FGD4: variants seen among roughly 807,000 people sequenced by gnomAD.
The protein encoded by FGD4 is FYVE, RhoGEF and PH domain containing 4, also known as FYVE, RhoGEF and PH domain-containing protein 4.
A neutral mutation model predicts 102.0 loss-of-function variants in FGD4; 42 were observed. The observed-to-expected ratio is 0.41, with a 90% CI of 0.32 to 0.53. The LOEUF (loss-of-function observed/expected upper bound fraction) is 0.53. Ranked by LOEUF, FGD4 falls within the 20% of genes least tolerant of loss-of-function variation. The probability of loss-of-function intolerance (pLI) is 0.21; values close to 1 mark genes in which losing one functional copy is unlikely to be tolerated. For missense variants in FGD4, 902 were observed against 1,078.2 expected, an observed-to-expected ratio of 0.84 and a Z score of 2.29; for synonymous variants, 380 against 375.7, an observed-to-expected ratio of 1.01 and a Z score of -0.13.
At chr12:32,547,912 G>C (rs920954186) in intron 1 of FGD4, among the ~76,000 whole-genome samples, 9 of 152,092 alleles carry the variant, frequency 5.9e-5, no homozygotes, top group African/African-American at 2.2e-4. Flanking sequence ...TACCATGTTG[G>C]CCAGACTGGT....
At chr12:32,453,168 T>C (rs1942829254) in intron 1 of FGD4, among the ~76,000 whole-genome samples, 1 of 141,666 alleles carries the variant, frequency 7.1e-6, no homozygotes, top group African/African-American at 2.5e-5. Context: ...TGTGTATATA[T>C]ATCTATATTA....
intron 1 of FGD4, among the ~76,000 whole-genome samples, chr12:32,530,833 T>C (rs774323279): frequency 7.2e-5 from 11 of 151,924 alleles, no homozygotes; most frequent in Non-Finnish European, 1.6e-4. Context: ...TCACAGAAAA[T>C]GGATTAGTGA....
intron 1 of FGD4, among the ~76,000 whole-genome samples, chr12:32,504,247 T>C (rs913135975): frequency 3.9e-5 from 6 of 152,128 alleles, no homozygotes; most frequent in African/African-American, 1.2e-4. Context: ...TAGTGGTTCT[T>C]GAGGGTAACC....
At chr12:32,623,067 A>T (rs1949942569) in intron 11 of FGD4, among the ~76,000 whole-genome samples, 1 of 152,230 alleles carries the variant, frequency 6.6e-6, no homozygotes, top group African/African-American at 2.4e-5. Flanking sequence ...CTAAAGTATG[A>T]GTCAGCCTCA....
intron 1 of FGD4, among the ~76,000 whole-genome samples, chr12:32,410,888 T>C (rs1941175640): frequency 6.6e-6 from 1 of 151,822 alleles, no homozygotes; most frequent in Non-Finnish European, 1.5e-5. Flanking sequence ...TTAATAATAG[T>C]CTTAAAAAGC....
Position 32,640,802 on chromosome 12 carries a change from G to A in FGD4, c.*269G>A, listed in dbSNP as rs1016498198. On this transcript the variant is annotated 3_prime_UTR_variant, in exon 17 of 17. Coordinates refer to ENST00000534526, the MANE Select transcript of FGD4 (RefSeq NM_001370298.3). ...TGCTTTTTTGTCTTGAAGAAATGGTGTATCAATTGATTCTGTCACCGTCAG... is the reference window on the plus strand; with the variant it reads ...TGCTTTTTTGTCTTGAAGAAATGGTATATCAATTGATTCTGTCACCGTCAG... 3.3e-6 allele frequency: 2 copies of A among 600,178 alleles called. No homozygotes were observed. The highest frequency in any genetic ancestry group is 2.1e-5 in the South Asian group (1 of 48,584). 37.2% of individuals were successfully genotyped at this position (600,178 alleles called of 1,614,324 possible).
intron 1 of FGD4, among the ~76,000 whole-genome samples, chr12:32,516,495 T>C (rs1280440475): frequency 6.6e-6 from 1 of 152,172 alleles, no homozygotes; most frequent in African/African-American, 2.4e-5. Context: ...CCTATTTACT[T>C]TGAGTATCCA....
intron 1 of FGD4, among the ~76,000 whole-genome samples, chr12:32,517,415 T>A (rs1168017756): frequency 6.6e-6 from 1 of 152,134 alleles, no homozygotes; most frequent in African/African-American, 2.4e-5. Flanking sequence ...TAAAAAAAAA[T>A]TGTGTCTTTA....
At chr12:32,532,009 A>T (rs1941859547) in intron 1 of FGD4, among the ~76,000 whole-genome samples, 1 of 152,246 alleles carries the variant, frequency 6.6e-6, no homozygotes, top group Non-Finnish European at 1.5e-5. Context: ...ATCTATAAAG[A>T]TTAAAAGTGA....
At chr12:32,620,693 A>ATTTTTTTTTT (rs1208809588) in intron 11 of FGD4, among the ~76,000 whole-genome samples, 1 of 97,094 alleles carries the variant, frequency 1.0e-5, no homozygotes, top group African/African-American at 4.6e-5. Flanking sequence ...CACCTGGCTA[A>ATTTTTTTTTT]TTTTTTTTTT....
chr12:32,607,857 C>G, intron 7 of FGD4, 100 bp from the exon 8 acceptor site: 1 of 1,339,066 alleles, frequency 7.5e-7, no homozygotes, highest in Non-Finnish European at 1.1e-6. Flanking sequence ...CACACTTTGT[C>G]GAAAAATATT....
Position 32,624,988 on chromosome 12 carries a change from A to G in FGD4, c.1966A>G (p.Thr656Ala), listed in dbSNP as rs775207201. 1 of 1,613,322 alleles carries G rather than the reference A, an allele frequency of 6.2e-7. No individual in the cohort carries two copies. Among genetic ancestry groups the G allele is most frequent in the South Asian group, 1.1e-5 (1 of 91,056 alleles). ...ACTTATACTTTAGGCCCTTCAAGAAACCATCGATGCTTTTCATCAAAGGCA... is the reference window on the plus strand; with the variant it reads ...ACTTATACTTTAGGCCCTTCAAGAAGCCATCGATGCTTTTCATCAAAGGCA... ...KEEWIKALQE[T>A]IDAFHQRHET... Residue 656 changes from threonine to alanine, a missense_variant, in exon 13 of 17, where the codon ACC (threonine) becomes GCC (alanine). Transcript: ENST00000534526.
At chr12:32,639,936 T>G (rs1951069296) in intron 16 of FGD4, among the ~76,000 whole-genome samples, 1 of 152,192 alleles carries the variant, frequency 6.6e-6, no homozygotes, top group South Asian at 2.1e-4. Flanking sequence ...AGTAATGAGA[T>G]TCTCATTACT....
chr12:32,412,538 A>T (rs1201277959), intron 1 of FGD4, among the ~76,000 whole-genome samples: 3 of 152,154 alleles, frequency 2.0e-5, no homozygotes, highest in Non-Finnish European at 4.4e-5. Flanking sequence ...GCACTTTGGG[A>T]GACCTAGGTG....
intron 1 of FGD4, among the ~76,000 whole-genome samples, chr12:32,499,163 A>T (rs746785023): frequency 1.3e-5 from 2 of 152,218 alleles, no homozygotes; most frequent in Non-Finnish European, 2.9e-5. Context: ...AATGGCTGCA[A>T]CAGCAGATAT....
At chr12:32,460,117 A>C (rs919375330) in intron 1 of FGD4, among the ~76,000 whole-genome samples, 22 of 152,214 alleles carry the variant, frequency 1.4e-4, no homozygotes, top group Non-Finnish European at 3.1e-4. Flanking sequence ...ATTATGTATG[A>C]ACTTTACCTG....
intron 4 of FGD4, among the ~76,000 whole-genome samples, chr12:32,587,565 A>G (rs1372677650): frequency 1.3e-5 from 2 of 151,260 alleles, no homozygotes; most frequent in Non-Finnish European, 2.9e-5. Flanking sequence ...TAATTTTTGT[A>G]TTTTTTGTAG....
At chr12:32,588,463 C>T (rs770876299) in intron 4 of FGD4, among the ~76,000 whole-genome samples, 9 of 152,224 alleles carry the variant, frequency 5.9e-5, no homozygotes, top group Admixed American at 1.3e-4. Flanking sequence ...TTAGCAGAAA[C>T]GGAGAAGTCA....
chr12:32,482,229 A>G (rs1943787837), intron 1 of FGD4, among the ~76,000 whole-genome samples: 1 of 152,256 alleles, frequency 6.6e-6, no homozygotes, highest in South Asian at 2.1e-4. Context: ...TATCTGCCAA[A>G]GCAGTTGCTG....
Sources: allele counts gnomAD v4.1 joint callset (sites outside exome capture counted in the v4.1 genomes callset), GRCh38; gene constraint gnomAD v4.1.1; transcripts MANE v1.5; gene names NCBI Gene and HGNC (gene_info 2026-07-23, HGNC 2026-07-21).